TMPRSS15: variants seen among roughly 807,000 people sequenced by gnomAD.
TMPRSS15 encodes enteropeptidase.
In TMPRSS15, 128 loss-of-function variants were observed where a neutral mutation model predicts 125.3. The observed-to-expected ratio is 1.02, with a 90% CI of 0.89 to 1.18. TMPRSS15 has a LOEUF of 1.18. TMPRSS15 is among the 50% of genes most tolerant of loss of function. The pLI, the probability that TMPRSS15 is intolerant of heterozygous loss-of-function variation, is 0.00. For synonymous variants in TMPRSS15, 446 were observed against 423.2 expected, an observed-to-expected ratio of 1.05 and a Z score of -0.66; for missense variants, 1,283 against 1,212.7, an observed-to-expected ratio of 1.06 and a Z score of -0.86.
chr21:18,329,212 T>C lies in TMPRSS15; in HGVS notation c.1737A>G (p.Val579=), dbSNP rs1344234564. Reference sequence around the variant, plus strand: ...CTTCTTCACCATCTCTTATTTCAACTACATCGTTAATATTTTCTAAGTCAA... The same window carrying C: ...CTTCTTCACCATCTCTTATTTCAACCACATCGTTAATATTTTCTAAGTCAA... ...QEFDLENIND[V]VEIRDGEEAD... The change falls in exon 15 of 25, where the codon GTA becomes GTG. Residue 579 remains valine (V), a synonymous_variant. Transcript: ENST00000284885. 1 of 1,612,696 alleles carries C rather than the reference T, an allele frequency of 6.2e-7. No homozygotes were observed. The highest frequency in any genetic ancestry group is 1.3e-5 in the African/African-American group (1 of 74,992).
intron 1 of TMPRSS15, among the ~76,000 whole-genome samples, chr21:18,399,354 GA>G (rs2076073436): frequency 1.3e-5 from 2 of 152,030 alleles, no homozygotes; most frequent in East Asian, 3.9e-4. Flanking sequence ...AGGATAATTA[GA>G]AATAATAATT....
At chr21:18,378,927 T>C (rs1285292229) in intron 5 of TMPRSS15, among the ~76,000 whole-genome samples, 1 of 152,114 alleles carries the variant, frequency 6.6e-6, no homozygotes, top group African/African-American at 2.4e-5. Flanking sequence ...CTAACTTGTA[T>C]GCAGAGATAA....
In TMPRSS15 at chr21:18,294,427, C is replaced by A. The variant is rs761371509; in HGVS notation, c.2329G>T (p.Ala777Ser). The change falls in exon 21 of 25, where the codon GCA (alanine) becomes TCA (serine). Residue 777 changes from alanine to serine, a missense_variant. By Grantham distance (99) the Ala-to-Ser change is moderately conservative (BLOSUM62 1). Transcript: ENST00000284885. ...ATCTTTGGGGTGATGTCTTGAGCTG[C>A]CAGTTTTTTTCCACAAGCTATTAAA... ...CNHKSCGKKL[A>S]AQDITPKIVG... The A allele has an allele frequency of 1.9e-6, 3 of 1,614,206 alleles. No individual in the cohort carries two copies. The highest frequency in any genetic ancestry group is 1.7e-5 in the Admixed American group (1 of 60,022).
chr21:18,385,697 T>G (rs1842960522), intron 3 of TMPRSS15, among the ~76,000 whole-genome samples: 1 of 152,240 alleles, frequency 6.6e-6, no homozygotes. Flanking sequence ...ATTGTACTAC[T>G]GAATTAACTT....
At chr21:18,468,935 C>T (rs567611544) in intron 1 of TMPRSS15, among the ~76,000 whole-genome samples, 2 of 152,120 alleles carry the variant, frequency 1.3e-5, no homozygotes, top group South Asian at 2.1e-4. Flanking sequence ...AGTACGCAGG[C>T]GTAGTCATAA....
At chr21:18,343,894 C>T in intron 11 of TMPRSS15, 61 bp downstream of exon 11, 2 of 1,476,612 alleles carry the variant, frequency 1.4e-6, no homozygotes, top group Non-Finnish European at 1.9e-6. Context: ...GCCTGGTGGC[C>T]TGAGCAAGGC....
chr21:18,413,312 T>TTTCTTTCC (rs1555911458), intron 1 of TMPRSS15, among the ~76,000 whole-genome samples: 7,865 of 94,808 alleles, frequency 0.083, 689 homozygotes, highest in East Asian at 0.2. Context: ...TTTTCTTTCT[T>TTTCTTTCC]TTCCTTCCTT....
At chr21:18,272,056 C>T (rs2074563843) in intron 24 of TMPRSS15, among the ~76,000 whole-genome samples, 1 of 152,138 alleles carries the variant, frequency 6.6e-6, no homozygotes, top group African/African-American at 2.4e-5. Context: ...GTGCATATGT[C>T]TTTACAGTAC....
rs566399732 is a variant in TMPRSS15 at position 18,339,873 on chromosome 21, T to C, written c.1564+1540A>G. Among the ~76,000 whole-genome samples the C allele has an allele frequency of 4.6e-5, 7 of 152,296 alleles. No individual in the cohort carries two copies. The South Asian group carries it at 1.5e-3, about 32-fold the overall frequency. The stretch of plus-strand genomic sequence containing the variant: ...ATAATTTGAATGGTAATGGGTTTTG[T>C]TCTGAAATGTCACGCTTCCAATTTG... On this transcript the variant is annotated intron_variant, in intron 13 of 24. Transcript: ENST00000284885.
At chr21:18,328,641 G>C (rs2075315681) in intron 15 of TMPRSS15, among the ~76,000 whole-genome samples, 1 of 152,004 alleles carries the variant, frequency 6.6e-6, no homozygotes, top group African/African-American at 2.4e-5. Context: ...TACTGGGAGG[G>C]GTGGTGGAGT....
At chr21:18,385,893 G>A (rs1254729899) in intron 3 of TMPRSS15, among the ~76,000 whole-genome samples, 1 of 151,926 alleles carries the variant, frequency 6.6e-6, no homozygotes, top group African/African-American at 2.4e-5. Context: ...ACAGGTGCCC[G>A]ACACCATGCC....
chr21:18,303,667 G>A (rs2074998636), intron 18 of TMPRSS15, among the ~76,000 whole-genome samples: 1 of 152,046 alleles, frequency 6.6e-6, no homozygotes, highest in African/African-American at 2.4e-5. Flanking sequence ...TGTCTTGGGT[G>A]AAAACATACT....
At chr21:18,413,004 A>G (rs2076169897) in intron 1 of TMPRSS15, among the ~76,000 whole-genome samples, 2 of 152,204 alleles carry the variant, frequency 1.3e-5, no homozygotes, top group Admixed American at 6.5e-5. Context: ...ATCTGTATTC[A>G]TTCTTCCCTT....
chr21:18,344,055 A>G lies in TMPRSS15; in HGVS notation c.1177T>C (p.Tyr393His), dbSNP rs979053496. ...CCTGGTCCAGTTGGGGTAGAAATGTAAAATCCTGTAAAAATATCAAAAAAA... is the reference window on the plus strand; with the variant it reads ...CCTGGTCCAGTTGGGGTAGAAATGTGAAATCCTGTAAAAATATCAAAAAAA... ...DHTFGNASGF[Y>H]ISTPTGPGGR... Residue 393 changes from tyrosine (Y) to histidine (H), a missense_variant, in exon 11 of 25, where the codon TAC becomes CAC. Coordinates refer to ENST00000284885, the MANE Select transcript of TMPRSS15 (RefSeq NM_002772.3). 1.9e-6 allele frequency: 3 copies of G among 1,612,586 alleles called. No homozygotes were observed. The highest frequency in any genetic ancestry group is 2.2e-5 in the South Asian group (2 of 91,016).
chr21:18,316,024 A>AATAT lies in TMPRSS15; in HGVS notation c.1922-772_1922-769dup, dbSNP rs3077991. 2.8e-5 allele frequency among the ~76,000 whole-genome samples: 4 copies of AATAT among 142,978 alleles called. No individual in the cohort carries two copies. In the East Asian group the frequency reaches 8.2e-4, roughly 29 times the overall value. The allele number at this position is 142,978 out of a possible 152,430, so 93.8% of individuals were successfully genotyped here. On this transcript the variant is annotated intron_variant, in intron 16 of 24. Coordinates refer to ENST00000284885, the MANE Select transcript of TMPRSS15 (RefSeq NM_002772.3). Reference sequence around the variant, plus strand: ...TACCCTAGAACTTAAAGTATAATAAAATATATATATATATATAAAATAATA... The same window carrying AATAT: ...TACCCTAGAACTTAAAGTATAATAAAATATATATATATATATATATAAAATAATA...
intron 18 of TMPRSS15, among the ~76,000 whole-genome samples, chr21:18,310,773 A>G (rs199833775): frequency 1.3e-5 from 2 of 152,222 alleles, no homozygotes; most frequent in East Asian, 3.9e-4. Context: ...CTGAGCAAAA[A>G]GAACAAAACT....
chr21:18,352,665 T>C (rs2075582120), intron 10 of TMPRSS15, among the ~76,000 whole-genome samples: 1 of 152,004 alleles, frequency 6.6e-6, no homozygotes, highest in Non-Finnish European at 1.5e-5. Flanking sequence ...TAATGACCTC[T>C]GTGTACTTTT....
chr21:18,459,268 CT>C (rs796164042), intron 1 of TMPRSS15, among the ~76,000 whole-genome samples: 6,303 of 146,108 alleles, frequency 0.043, 162 homozygotes, highest in African/African-American at 0.086. Context: ...CAGGTCTACT[CT>C]TTTTTTTTTT....
intron 1 of TMPRSS15, among the ~76,000 whole-genome samples, chr21:18,415,954 G>A (rs147650745): frequency 1.3e-5 from 2 of 151,952 alleles, no homozygotes; most frequent in Admixed American, 6.6e-5. Flanking sequence ...GAGTAAATAT[G>A]CAGGATACAA....
Sources: allele counts gnomAD v4.1 joint callset (sites outside exome capture counted in the v4.1 genomes callset), GRCh38; gene constraint gnomAD v4.1.1; transcripts MANE v1.5; gene names NCBI Gene and HGNC (gene_info 2026-07-23, HGNC 2026-07-21).